The following NPAS3 variants were observed in gnomAD, a reference collection of about 807,000 sequenced individuals.
NPAS3 encodes neuronal PAS domain protein 3.
In NPAS3, 14 loss-of-function variants were observed where a neutral mutation model predicts 73.1. The observed-to-expected ratio is 0.19, with a 90% CI of 0.13 to 0.30. NPAS3 has a LOEUF of 0.30. Ranked by LOEUF, NPAS3 falls within the 10% of genes least tolerant of loss-of-function variation. NPAS3 has a pLI of 1.00. For missense variants in NPAS3, 1,096 were observed against 1,250.0 expected (o/e 0.88, Z 1.86); for synonymous variants, 620 against 541.5 (o/e 1.14, Z -2.01).
chr14:33,386,601 C>A (rs72680145), intron 4 of NPAS3, among the ~76,000 whole-genome samples: 20,333 of 151,740 alleles, frequency 0.13, 1,615 homozygotes, highest in Admixed American at 0.25. Flanking sequence ...AAGAAAGATT[C>A]GTGATGTTTG....
intron 3 of NPAS3, among the ~76,000 whole-genome samples, chr14:33,276,419 A>G (rs1467246508): frequency 6.6e-6 from 1 of 152,126 alleles, no homozygotes; most frequent in African/African-American, 2.4e-5. Context: ...TGCAAAATCA[A>G]CCATTTGTTC....
At chr14:33,495,060 G>A (rs2052103080) in intron 4 of NPAS3, among the ~76,000 whole-genome samples, 1 of 152,044 alleles carries the variant, frequency 6.6e-6, no homozygotes, top group African/African-American at 2.4e-5. Flanking sequence ...TCTTTTCATT[G>A]TGGTGTTAGG....
intron 6 of NPAS3, among the ~76,000 whole-genome samples, chr14:33,686,038 G>C (rs936831991): frequency 3.3e-5 from 5 of 152,132 alleles, no homozygotes; most frequent in Non-Finnish European, 4.4e-5. Context: ...GGAAGGAGGA[G>C]ATAGTGCTGC....
chr14:33,074,447 T>C (rs1375707324), intron 2 of NPAS3, among the ~76,000 whole-genome samples: 1 of 152,148 alleles, frequency 6.6e-6, no homozygotes, highest in African/African-American at 2.4e-5. Flanking sequence ...GACGGAGTCT[T>C]GCTCTGTCAC....
intron 7 of NPAS3, among the ~76,000 whole-genome samples, chr14:33,762,112 A>G (rs1351657830): frequency 6.6e-6 from 1 of 152,242 alleles, no homozygotes; most frequent in Admixed American, 6.5e-5. Context: ...AGGACTCTTG[A>G]GAAATTCTCC....
In NPAS3 at chr14:33,341,117, C is replaced by T. The variant is rs79955767; in HGVS notation, c.386-26069C>T. On this transcript the variant is annotated intron_variant, in intron 3 of 11. Coordinates refer to ENST00000356141, the Ensembl canonical transcript of NPAS3. ...TGTAAATTGCATGCATGTGTTACTT[C>T]CAATTAATCTTTATAAGCTAGTGAA... 4.3e-3 allele frequency among the ~76,000 whole-genome samples: 653 copies of T among 152,276 alleles called. 3 individuals carry two copies. The highest frequency in any genetic ancestry group is 0.01 in the Middle Eastern group (3 of 294).
intron 7 of NPAS3, among the ~76,000 whole-genome samples, chr14:33,737,844 A>C (rs1489613178): frequency 6.6e-6 from 1 of 152,204 alleles, no homozygotes; most frequent in Non-Finnish European, 1.5e-5. Context: ...AAAAAGAAAC[A>C]GTGATAATCA....
rs771840433 is a variant in NPAS3, at chr14:33,051,296, A to AAAAAAAAAAAAAAAAAAAAAGAG, written c.51-4608_51-4607insAAAAAAAAAAAAAAAAAAAGAGA. Among the ~76,000 whole-genome samples, 40 of 142,474 alleles carry AAAAAAAAAAAAAAAAAAAAAGAG rather than the reference A, an allele frequency of 2.8e-4. 1 individual carries two copies. The highest frequency in any genetic ancestry group is 1.1e-3 in the African/African-American group (38 of 36,064). The allele number at this position is 142,474 out of a possible 152,430, so 93.5% of individuals were successfully genotyped here. A position where few individuals can be genotyped will look rare whatever the true frequency, so the allele number is the denominator to read the frequency against. Reference sequence around the variant, plus strand: ...ACTCCGTCTCAAAAAAAAAAAAAAAAAGAGAGACTAAAGAACTTCCCCACT... The same window carrying AAAAAAAAAAAAAAAAAAAAAGAG: ...ACTCCGTCTCAAAAAAAAAAAAAAAAAAAAAAAAAAAAAAAAAAAAGAGAGAGAGACTAAAGAACTTCCCCACT... On this transcript the variant is annotated intron_variant, in intron 1 of 11. Transcript: ENST00000356141.
chr14:33,606,071 TTTA>T (rs139842568), intron 5 of NPAS3, among the ~76,000 whole-genome samples: 1,685 of 151,058 alleles, frequency 0.011, 24 homozygotes, highest in African/African-American at 0.038. Context: ...CTGACTTTCT[TTTA>T]TTATTATTAT....
At chr14:33,544,811 TG>T (rs201975019) in intron 4 of NPAS3, among the ~76,000 whole-genome samples, 3,274 of 94,536 alleles carry the variant, frequency 0.035, 333 homozygotes, top group African/African-American at 0.15. Context: ...TATATATATA[TG>T]TATATATAAT....
chr14:33,344,971 A>G (rs1169989640), intron 3 of NPAS3, among the ~76,000 whole-genome samples: 1 of 152,186 alleles, frequency 6.6e-6, no homozygotes, highest in Non-Finnish European at 1.5e-5. Flanking sequence ...GGCAAGTGCA[A>G]GGATAGTGAA....
intron 5 of NPAS3, among the ~76,000 whole-genome samples, chr14:33,648,476 T>C (rs1475498934): frequency 1.3e-5 from 2 of 152,226 alleles, no homozygotes; most frequent in African/African-American, 4.8e-5. Flanking sequence ...ATTAAACTCC[T>C]AGAAAGGAAG....
At chr14:33,555,537 C>T (rs1191489679) in intron 4 of NPAS3, among the ~76,000 whole-genome samples, 1 of 152,136 alleles carries the variant, frequency 6.6e-6, no homozygotes, top group Non-Finnish European at 1.5e-5. Context: ...TTCCACAGAA[C>T]TTTGAGATTA....
intron 1 of NPAS3, among the ~76,000 whole-genome samples, chr14:32,948,859 T>C (rs952621412): frequency 1.3e-5 from 2 of 152,140 alleles, no homozygotes; most frequent in African/African-American, 4.8e-5. Context: ...AAAAATGTAT[T>C]CATTTCTTAC....
At chr14:33,005,293 A>G (rs2038962798) in intron 1 of NPAS3, among the ~76,000 whole-genome samples, 1 of 152,098 alleles carries the variant, frequency 6.6e-6, no homozygotes, top group Non-Finnish European at 1.5e-5. Context: ...GGTGATAGGA[A>G]TTTTTTTCAG....
chr14:33,063,891 G>A (rs1391331076), intron 2 of NPAS3, among the ~76,000 whole-genome samples: 1 of 152,158 alleles, frequency 6.6e-6, no homozygotes, highest in African/African-American at 2.4e-5. Flanking sequence ...ATTAGTATCT[G>A]CAAAATGGAA....
intron 1 of NPAS3, among the ~76,000 whole-genome samples, chr14:32,979,814 G>T (rs1382200735): frequency 6.6e-6 from 1 of 152,116 alleles, no homozygotes; most frequent in African/African-American, 2.4e-5. Context: ...GATCACAAAG[G>T]AGTAAAACCA....
At chr14:33,215,148 T>G in intron 2 of NPAS3, 34 bp from the exon 3 acceptor site, 3 of 1,608,112 alleles carry the variant, frequency 1.9e-6, no homozygotes, top group Non-Finnish European at 2.6e-6. Context: ...AGTCACATAT[T>G]CTAAACCACA....
chr14:33,135,966 C>T (rs1227884811), intron 2 of NPAS3, among the ~76,000 whole-genome samples: 1 of 151,692 alleles, frequency 6.6e-6, no homozygotes, highest in Non-Finnish European at 1.5e-5. Flanking sequence ...AATAGGTTGT[C>T]TTATGTAATA....
Sources: gnomAD v4.1 joint callset for allele counts (sites outside exome capture counted in the v4.1 genomes callset) on GRCh38, gnomAD v4.1.1 for gene constraint, MANE v1.5 for transcripts, NCBI Gene and HGNC (gene_info 2026-07-23, HGNC 2026-07-21) for gene names.